The following AFF3 variants were observed in gnomAD, a reference collection of about 807,000 sequenced individuals.
AFF3 encodes AF4/FMR2 family member 3.
In AFF3, 32 loss-of-function variants were observed where a neutral mutation model predicts 129.7. That is an observed-to-expected ratio of 0.25 (90% CI 0.19 to 0.33). The LOEUF is 0.33. Ranked by LOEUF, AFF3 falls within the 10% of genes least tolerant of loss-of-function variation. AFF3 has a pLI of 1.00. For synonymous variants in AFF3, 644 were observed against 635.4 expected, an observed-to-expected ratio of 1.01 and a Z score of -0.20; for missense variants, 1,373 against 1,592.0, an observed-to-expected ratio of 0.86 and a Z score of 2.34.
At chr2:99,571,765 C>G (rs772863956) in intron 18 of AFF3, among the ~76,000 whole-genome samples, 1 of 152,194 alleles carries the variant, frequency 6.6e-6, no homozygotes, top group African/African-American at 2.4e-5. Flanking sequence ...TAGTGCTGTA[C>G]TTCCAGAGCA....
At chr2:99,690,155 TTTATTATTATTATTATTA>T (rs200485697) in intron 11 of AFF3, among the ~76,000 whole-genome samples, 4,713 of 122,980 alleles carry the variant, frequency 0.038, 312 homozygotes, top group African/African-American at 0.14. Flanking sequence ...AACCACAATC[TTTATTATTATTATTATTA>T]TTATTATTAT....
At chr2:99,965,378 C>T (rs188847257) in intron 7 of AFF3, among the ~76,000 whole-genome samples, 80 of 152,294 alleles carry the variant, frequency 5.3e-4, no homozygotes, top group Non-Finnish European at 5.3e-4. Flanking sequence ...GGCATCTGCA[C>T]CATGGAGGAA....
intron 13 of AFF3, 60 bp downstream of exon 13, chr2:99,649,566 A>T (rs1685038168): frequency 6.4e-7 from 1 of 1,550,478 alleles, no homozygotes; most frequent in Admixed American, 1.7e-5. Context: ...ATATGCCACA[A>T]TAAATAGGGC....
intron 4 of AFF3, among the ~76,000 whole-genome samples, chr2:100,048,332 C>T (rs1356325757): frequency 4.6e-5 from 7 of 152,110 alleles, no homozygotes; most frequent in Non-Finnish European, 4.4e-5. Flanking sequence ...TAAATGTTTT[C>T]CATTGTGTTA....
chr2:99,651,617 T>C (rs1446490469), intron 12 of AFF3, among the ~76,000 whole-genome samples: 1 of 152,044 alleles, frequency 6.6e-6, no homozygotes, highest in Non-Finnish European at 1.5e-5. Context: ...AATTTTTGTA[T>C]TTTTAGTAGA....
chr2:100,010,563 T>C (rs920530999), intron 4 of AFF3, among the ~76,000 whole-genome samples: 1 of 152,210 alleles, frequency 6.6e-6, no homozygotes, highest in Non-Finnish European at 1.5e-5. Flanking sequence ...CCACAGTTAT[T>C]AGATTTGGGA....
intron 7 of AFF3, among the ~76,000 whole-genome samples, chr2:99,876,732 C>A (rs1045372691): frequency 1.3e-5 from 2 of 152,072 alleles, no homozygotes; most frequent in East Asian, 1.9e-4. Flanking sequence ...TGCCTCCGCA[C>A]CCTCATGCCA....
intron 7 of AFF3, among the ~76,000 whole-genome samples, chr2:99,962,807 G>A (rs908195344): frequency 4.7e-5 from 7 of 149,000 alleles, no homozygotes; most frequent in African/African-American, 1.7e-4. Context: ...TTAATCATTA[G>A]AGTACCAAAA....
chr2:99,547,370 T>A lies in AFF3; in HGVS notation c.*4104A>T, dbSNP rs1261310368. On this transcript the variant is annotated 3_prime_UTR_variant, in exon 25 of 25. Transcript: ENST00000672756. ...GATTAAAAACTGCAGATAAATTAAGTCACAATAATATCCTGTACATGCATT... is the reference window on the plus strand; with the variant it reads ...GATTAAAAACTGCAGATAAATTAAGACACAATAATATCCTGTACATGCATT... 2 of 218,860 alleles carry A rather than the reference T, an allele frequency of 9.1e-6. No homozygotes were observed. The highest frequency in any genetic ancestry group is 5.8e-5 in the Admixed American group (1 of 17,284). The allele number at this position is 218,860 out of a possible 1,614,324, so 13.6% of individuals were successfully genotyped here.
At chr2:99,781,091 TA>T (rs1684370583) in intron 8 of AFF3, among the ~76,000 whole-genome samples, 1 of 152,180 alleles carries the variant, frequency 6.6e-6, no homozygotes, top group African/African-American at 2.4e-5. Flanking sequence ...TCCCCTTACT[TA>T]CTCTACTTTA....
intron 7 of AFF3, among the ~76,000 whole-genome samples, chr2:100,002,066 C>T (rs1681471415): frequency 6.6e-6 from 1 of 152,218 alleles, no homozygotes; most frequent in Non-Finnish European, 1.5e-5. Context: ...GGAAAGATGA[C>T]ACCACGACAG....
intron 7 of AFF3, among the ~76,000 whole-genome samples, chr2:100,005,297 C>T (rs1681862382): frequency 6.6e-6 from 1 of 152,168 alleles, no homozygotes; most frequent in Admixed American, 6.6e-5. Flanking sequence ...AATAAACAAA[C>T]ATGTAAATTA....
intron 7 of AFF3, among the ~76,000 whole-genome samples, chr2:99,950,590 T>C (rs1046945471): frequency 6.6e-6 from 1 of 152,204 alleles, no homozygotes; most frequent in African/African-American, 2.4e-5. Flanking sequence ...GGATTTTTCT[T>C]CTCTTTCACT....
chr2:99,746,952 TA>T (rs879484925), intron 9 of AFF3, among the ~76,000 whole-genome samples: 541 of 142,250 alleles, frequency 3.8e-3, no homozygotes, highest in East Asian at 0.011. Flanking sequence ...TAAGCTTATT[TA>T]AAAAAAAAAA....
intron 11 of AFF3, among the ~76,000 whole-genome samples, chr2:99,676,727 AT>A (rs1673962604): frequency 1.3e-5 from 2 of 152,202 alleles, no homozygotes; most frequent in Admixed American, 6.5e-5. Context: ...TTTTCAGGCC[AT>A]TTTGAAAAGA....
chr2:100,051,368 C>T (rs1175741531), intron 4 of AFF3, among the ~76,000 whole-genome samples: 1 of 152,136 alleles, frequency 6.6e-6, no homozygotes, highest in East Asian at 1.9e-4. Context: ...CTAGTTAAGG[C>T]GGGAGCTGAT....
chr2:99,805,978 A>G (rs1367421183), intron 8 of AFF3, among the ~76,000 whole-genome samples: 1 of 152,250 alleles, frequency 6.6e-6, no homozygotes, highest in Admixed American at 6.5e-5. Context: ...CATAAAGATC[A>G]TTCTCAAATG....
intron 8 of AFF3, among the ~76,000 whole-genome samples, chr2:99,793,784 T>C (rs1685373935): frequency 1.3e-5 from 2 of 152,204 alleles, no homozygotes; most frequent in African/African-American, 4.8e-5. Context: ...TGAGTTCTGC[T>C]CCTATCTTTA....
At chr2:100,003,359 A>T (rs1413403151) in intron 7 of AFF3, among the ~76,000 whole-genome samples, 1 of 152,132 alleles carries the variant, frequency 6.6e-6, no homozygotes, top group Non-Finnish European at 1.5e-5. Context: ...TCAGAAATAA[A>T]ATTCAGTGTG....
Sources: gnomAD v4.1 joint callset for allele counts (sites outside exome capture counted in the v4.1 genomes callset) on GRCh38, gnomAD v4.1.1 for gene constraint, MANE v1.5 for transcripts, NCBI Gene and HGNC (gene_info 2026-07-23, HGNC 2026-07-21) for gene names.